The following YEATS4 variants were observed in gnomAD, a reference collection of about 807,000 sequenced individuals.
YEATS4 encodes YEATS domain containing 4.
Under a neutral mutation model 30.1 loss-of-function variants are expected in YEATS4, and 17 were observed. That is an observed-to-expected ratio of 0.56 (90% confidence interval 0.39 to 0.85). YEATS4 has a LOEUF of 0.85. Ranked by LOEUF, YEATS4 falls within the 40% of genes least tolerant of loss-of-function variation. The pLI, the probability that YEATS4 is intolerant of heterozygous loss-of-function variation, is 0.00. For synonymous variants in YEATS4, 85 were observed against 87.5 expected, an observed-to-expected ratio of 0.97 and a Z score of 0.16; for missense variants, 142 against 268.3, an observed-to-expected ratio of 0.53 and a Z score of 3.29.
the YEATS4 span, among the ~76,000 whole-genome samples, chr12:69,398,023 A>G: frequency 6.6e-6 from 1 of 152,140 alleles, no homozygotes; most frequent in Non-Finnish European, 1.5e-5. Flanking sequence ...AGAATCCAAT[A>G]CCCGTTTATA....
chr12:69,380,713 A>G (rs966863682), intron 6 of YEATS4, among the ~76,000 whole-genome samples: 3 of 152,154 alleles, frequency 2.0e-5, no homozygotes, highest in African/African-American at 7.2e-5. Flanking sequence ...TTCACCCCCA[A>G]TATTTCACGT....
intron 1 of YEATS4, among the ~76,000 whole-genome samples, chr12:69,360,437 G>A (rs577159327): frequency 5.9e-5 from 9 of 152,202 alleles, no homozygotes; most frequent in Non-Finnish European, 1.3e-4. Context: ...CTTACCCGCA[G>A]TATTTCCAAG....
intron 6 of YEATS4, among the ~76,000 whole-genome samples, chr12:69,382,429 C>A (rs1487146696): frequency 6.6e-6 from 1 of 150,826 alleles, no homozygotes; most frequent in Admixed American, 6.7e-5. Flanking sequence ...CCTTCCCATT[C>A]TTCCCTCCCC....
the YEATS4 span, among the ~76,000 whole-genome samples, chr12:69,403,512 G>A: frequency 6.6e-6 from 1 of 151,564 alleles, no homozygotes; most frequent in Admixed American, 6.6e-5. Context: ...GAGAGGCAGA[G>A]GTTGCAGTGA....
At chr12:69,419,234 T>TTTTTTTTG in the YEATS4 span, among the ~76,000 whole-genome samples, 1 of 145,926 alleles carries the variant, frequency 6.9e-6, no homozygotes, top group Non-Finnish European at 1.5e-5. Flanking sequence ...TTTTTTTTTT[T>TTTTTTTTG]TTTAGAGACA....
At chr12:69,421,106 C>T in the YEATS4 span, among the ~76,000 whole-genome samples, 1 of 152,196 alleles carries the variant, frequency 6.6e-6, no homozygotes, top group Non-Finnish European at 1.5e-5. Context: ...AATCCTCCCA[C>T]CTCAGCCTCT....
intron 6 of YEATS4, among the ~76,000 whole-genome samples, chr12:69,374,830 TC>T (rs1378347919): frequency 6.6e-6 from 1 of 152,010 alleles, no homozygotes; most frequent in Non-Finnish European, 1.5e-5. Context: ...TCCCCACATT[TC>T]CCCCTTTTCT....
intron 6 of YEATS4, among the ~76,000 whole-genome samples, chr12:69,382,283 C>T (rs1381259316): frequency 6.6e-6 from 1 of 152,218 alleles, no homozygotes; most frequent in Non-Finnish European, 1.5e-5. Flanking sequence ...CCCTTAAGGG[C>T]ACTGAGTTTC....
chr12:69,394,414 G>A (rs1304755841), downstream of YEATS4, among the ~76,000 whole-genome samples: 1 of 152,188 alleles, frequency 6.6e-6, no homozygotes, highest in African/African-American at 2.4e-5. Flanking sequence ...GACTTGAATA[G>A]GCAGTTCACT....
downstream of YEATS4, among the ~76,000 whole-genome samples, chr12:69,392,051 A>G (rs1313432535): frequency 6.6e-6 from 1 of 152,160 alleles, no homozygotes; most frequent in Non-Finnish European, 1.5e-5. Context: ...AACTCCTGTA[A>G]CTCAATAAAA....
chr12:69,421,689 C>T, the YEATS4 span, among the ~76,000 whole-genome samples: 2 of 152,110 alleles, frequency 1.3e-5, no homozygotes, highest in Non-Finnish European at 2.9e-5. Flanking sequence ...CAAGTCTAGG[C>T]GGCTGAAAAT....
the YEATS4 span, among the ~76,000 whole-genome samples, chr12:69,424,138 T>C: frequency 6.6e-6 from 1 of 152,208 alleles, no homozygotes. Flanking sequence ...GTGACACTTT[T>C]GGTTTCCAAA....
chr12:69,406,220 C>T, the YEATS4 span, among the ~76,000 whole-genome samples: 1 of 152,210 alleles, frequency 6.6e-6, no homozygotes, highest in Non-Finnish European at 1.5e-5. Flanking sequence ...AAAGTTTGTA[C>T]CTAATAATGC....
the YEATS4 span, among the ~76,000 whole-genome samples, chr12:69,423,891 TGGG>T: frequency 6.6e-6 from 1 of 152,148 alleles, no homozygotes; most frequent in African/African-American, 2.4e-5. Flanking sequence ...TTCTGGTCAA[TGGG>T]GTATAAATGG....
At chr12:69,394,688 G>T (rs1868338485), downstream of YEATS4, among the ~76,000 whole-genome samples, 1 of 152,074 alleles carries the variant, frequency 6.6e-6, no homozygotes, top group Middle Eastern at 3.2e-3. Flanking sequence ...GAACACTGCA[G>T]CCTTGACCTT....
chr12:69,414,563 A>C, the YEATS4 span, among the ~76,000 whole-genome samples: 1 of 152,204 alleles, frequency 6.6e-6, no homozygotes, highest in Admixed American at 6.6e-5. Flanking sequence ...AAATTGGACA[A>C]ATTATTTAGT....
chr12:69,380,070 ATC>A (rs1383470539), intron 6 of YEATS4, among the ~76,000 whole-genome samples: 1 of 152,234 alleles, frequency 6.6e-6, no homozygotes, highest in Non-Finnish European at 1.5e-5. Context: ...AAGGTCACAT[ATC>A]TCTGTTAGAG....
At chr12:69,419,471 G>A in the YEATS4 span, among the ~76,000 whole-genome samples, 6 of 151,934 alleles carry the variant, frequency 3.9e-5, no homozygotes, top group Admixed American at 1.3e-4. Context: ...ATCTTCCTGC[G>A]TTGGCCTCCC....
At position 69,362,887 on chromosome 12, in the gene YEATS4, G is replaced by A. The variant is rs1196031314; in HGVS notation, c.151G>A (p.Val51Met). ...DGHTHQWTVY[V>M]KPYRNEDMSA... ...GCACACTCATCAGTGGACAGTATAT[G>A]TGAAACCATATAGAAATGAGGTAGG... Residue 51 changes from valine (V) to methionine (M), a missense_variant, in exon 2 of 7, where the codon GTG (valine) becomes ATG (methionine). Physicochemically the swap from Val to Met is conservative, Grantham distance 21 (BLOSUM62 1). Coordinates refer to ENST00000247843, the MANE Select transcript of YEATS4 (RefSeq NM_006530.4). The A allele has an allele frequency of 1.3e-6, 2 of 1,578,310 alleles. No homozygotes were observed. Among genetic ancestry groups the A allele is most frequent in the Non-Finnish European group, 1.7e-6 (2 of 1,160,108 alleles).
Sources: allele counts gnomAD v4.1 joint callset (sites outside exome capture counted in the v4.1 genomes callset), GRCh38; gene constraint gnomAD v4.1.1; transcripts MANE v1.5; gene names NCBI Gene and HGNC (gene_info 2026-07-23, HGNC 2026-07-21).